SEPTIN9: variants seen among roughly 807,000 people sequenced by gnomAD.
SEPTIN9 encodes septin 9.
A neutral mutation model predicts 56.6 loss-of-function variants in SEPTIN9; 13 were observed. The ratio of observed to expected loss-of-function variants is 0.23; its 90% CI spans 0.15 to 0.37. SEPTIN9 has a LOEUF of 0.37. Among genes scored for constraint, SEPTIN9 ranks in the 10% least tolerant of loss-of-function variants. SEPTIN9 has a pLI of 1.00. For synonymous variants in SEPTIN9, 332 were observed against 334.1 expected, an observed-to-expected ratio of 0.99 and a Z score of 0.07; for missense variants, 650 against 823.1, an observed-to-expected ratio of 0.79 and a Z score of 2.57.
At chr17:77,320,304 C>T (rs758050715) in intron 2 of SEPTIN9, 33 of 1,612,644 alleles carry the variant, frequency 2.0e-5, no homozygotes, top group South Asian at 3.3e-5. Context: ...GGACTCCCGC[C>T]GCTGCTAAAT....
chr17:77,302,075 A>T (rs1271964880), intron 1 of SEPTIN9, among the ~76,000 whole-genome samples: 4 of 152,236 alleles, frequency 2.6e-5, no homozygotes, highest in Admixed American at 2.0e-4. Flanking sequence ...CATTAAAGTA[A>T]CAACAATGAT....
chr17:77,453,943 T>C lies in SEPTIN9; in HGVS notation c.722-28201T>C, dbSNP rs1007795856. 6.8e-6 allele frequency: 4 copies of C among 591,754 alleles called. No individual in the cohort carries two copies. The African/African-American group carries it at 8.1e-5, about 12-fold the overall frequency. The allele number at this position is 591,754 out of a possible 1,614,324, so 36.7% of individuals were successfully genotyped here. On this transcript the variant is annotated intron_variant, in intron 3 of 11. Transcript: ENST00000427177. The surrounding 1 kb of genome is among the most constrained non-coding windows in gnomAD (Gnocchi z 4.4). ...GGTGTCAAAGGTCTCAAGGCCCCTT[T>C]AAGAAGCCTGTCACCACCACCAGCA...
At chr17:77,489,616 G>A (rs1456537352) in intron 7 of SEPTIN9, among the ~76,000 whole-genome samples, 1 of 152,200 alleles carries the variant, frequency 6.6e-6, no homozygotes, top group Non-Finnish European at 1.5e-5. Context: ...CGCACCTGCT[G>A]TCCCAGATGT....
chr17:77,363,114 G>A (rs8080800), intron 2 of SEPTIN9, among the ~76,000 whole-genome samples: 114,748 of 151,998 alleles, frequency 0.75, 43,571 homozygotes, highest in South Asian at 0.84. Context: ...AGGTGACAGA[G>A]GCTGCCCAGG....
chr17:77,450,024 C>T lies in SEPTIN9; in HGVS notation c.722-32120C>T, dbSNP rs745316424. Among the ~76,000 whole-genome samples, 5 of 152,042 alleles carry T rather than the reference C, an allele frequency of 3.3e-5. No individual in the cohort carries two copies. The highest frequency in any genetic ancestry group is 6.5e-5 in the Admixed American group (1 of 15,286). Reference sequence around the variant, plus strand: ...CCCATTCAGATGGGAACAGGGACTCCGGGCATGCAGTCTTCTCCCAGACAC... The same window carrying T: ...CCCATTCAGATGGGAACAGGGACTCTGGGCATGCAGTCTTCTCCCAGACAC... On this transcript the variant is annotated intron_variant, in intron 3 of 11. Transcript: ENST00000427177. This position sits in a 1 kb window ranked among gnomAD's most constrained non-coding sequence, Gnocchi z 6.0.
chr17:77,346,919 A>T (rs1213749388), intron 2 of SEPTIN9, among the ~76,000 whole-genome samples: 1 of 152,204 alleles, frequency 6.6e-6, no homozygotes, highest in Non-Finnish European at 1.5e-5. Context: ...ACACAGCAGG[A>T]AAAGGACATC....
intron 2 of SEPTIN9, among the ~76,000 whole-genome samples, chr17:77,343,007 A>ATCTATCTG (rs1568003896): frequency 1.0e-4 from 6 of 59,932 alleles, no homozygotes; most frequent in Non-Finnish European, 3.6e-5. Flanking sequence ...CTGTCTGTCT[A>ATCTATCTG]TCTATCTATC....
chr17:77,428,539 C>A (rs997984828), intron 3 of SEPTIN9, among the ~76,000 whole-genome samples: 2 of 152,244 alleles, frequency 1.3e-5, no homozygotes, highest in African/African-American at 2.4e-5. Context: ...CTGGTCGTGT[C>A]ACAGGCTCGG....
chr17:77,406,032 G>A (rs933860714), intron 3 of SEPTIN9, among the ~76,000 whole-genome samples: 1 of 152,248 alleles, frequency 6.6e-6, no homozygotes, highest in Non-Finnish European at 1.5e-5. Context: ...GCCTGCGGGA[G>A]GGCATCTGTG....
chr17:77,423,282 C>T (rs1017932999), intron 3 of SEPTIN9, among the ~76,000 whole-genome samples: 4 of 152,096 alleles, frequency 2.6e-5, no homozygotes, highest in African/African-American at 7.2e-5. Flanking sequence ...GCGATCCGCC[C>T]GCCTCAGCCT....
At position 77,492,536 on chromosome 17, in the gene SEPTIN9, CAG is replaced by C; in HGVS notation, c.1381-84_1381-83del. The C allele has an allele frequency of 8.2e-7, 1 of 1,219,618 alleles. No homozygotes were observed. Among genetic ancestry groups the C allele is most frequent in the Non-Finnish European group, 1.2e-6 (1 of 820,816 alleles). 75.5% of individuals were successfully genotyped at this position (1,219,618 alleles called of 1,614,324 possible). A position where few individuals can be genotyped will look rare whatever the true frequency, so the allele number is the denominator to read the frequency against. ...TTGAACCCGAGCCTGGGGCAGCACA[CAG>C]TGTGGAGGTCATGTGGCAAACACCA... On this transcript the variant is annotated intron_variant, in intron 8 of 11. Coordinates refer to ENST00000427177, the MANE Select transcript of SEPTIN9 (RefSeq NM_001113491.2). This position sits in a 1 kb window ranked among gnomAD's most constrained non-coding sequence, Gnocchi z 5.4.
At chr17:77,442,278 A>G (rs1400338002) in intron 3 of SEPTIN9, 1 of 151,316 alleles carries the variant, frequency 6.6e-6, no homozygotes, top group Non-Finnish European at 1.5e-5. Context: ...GCTCACTCTA[A>G]CCTCCGCCTC....
intron 10 of SEPTIN9, among the ~76,000 whole-genome samples, chr17:77,495,744 C>T (rs2040230369): frequency 6.6e-6 from 1 of 152,192 alleles, no homozygotes; most frequent in African/African-American, 2.4e-5. Flanking sequence ...GTGGACACCG[C>T]CCTACACAGG....
rs946190704 is a variant in SEPTIN9 at position 77,434,690 on chromosome 17, T to G, written c.721+31987T>G. Among the ~76,000 whole-genome samples the G allele has an allele frequency of 6.6e-6, 1 of 152,198 alleles. No individual in the cohort carries two copies. The highest frequency in any genetic ancestry group is 1.5e-5 in the Non-Finnish European group (1 of 68,024). On this transcript the variant is annotated intron_variant, in intron 3 of 11. Transcript: ENST00000427177. The surrounding 1 kb of genome is among the most constrained non-coding windows in gnomAD (Gnocchi z 5.0). Reference sequence around the variant, plus strand: ...CGCCCCAGACGTGAGGGTTGGCATCTTCTCTTGCACGTGAAGCAAAGGCCT... The same window carrying G: ...CGCCCCAGACGTGAGGGTTGGCATCGTCTCTTGCACGTGAAGCAAAGGCCT...
Position 77,453,661 on chromosome 17 carries a change from GTCCACTGTGC to G in SEPTIN9, c.722-28477_722-28468del, listed in dbSNP as rs1252484346. 6.6e-6 allele frequency among the ~76,000 whole-genome samples: 1 copy of G among 151,462 alleles called. No individual in the cohort carries two copies. The highest frequency in any genetic ancestry group is 1.5e-5 in the Non-Finnish European group (1 of 67,950). Reference sequence around the variant, plus strand: ...CTGGGATCTGTCCTCCGAACACTGGGTCCACTGTGCTCCACAAGGACTTTCACCCCGGAAG... The same window carrying G: ...CTGGGATCTGTCCTCCGAACACTGGGTCCACAAGGACTTTCACCCCGGAAG... On this transcript the variant is annotated intron_variant, in intron 3 of 11. Coordinates refer to ENST00000427177, the MANE Select transcript of SEPTIN9 (RefSeq NM_001113491.2). This position sits in a 1 kb window ranked among gnomAD's most constrained non-coding sequence, Gnocchi z 4.4.
intron 2 of SEPTIN9, among the ~76,000 whole-genome samples, chr17:77,340,662 G>A (rs763869389): frequency 3.9e-5 from 6 of 152,166 alleles, no homozygotes; most frequent in Non-Finnish European, 7.3e-5. Context: ...TTAAAGACAG[G>A]CATTGACTTC....
chr17:77,369,964 G>A lies in SEPTIN9; in HGVS notation c.77-32095G>A, dbSNP rs1353702413. Among the ~76,000 whole-genome samples, 1 of 152,202 alleles carries A rather than the reference G, an allele frequency of 6.6e-6. No individual in the cohort carries two copies. The highest frequency in any genetic ancestry group is 2.4e-5 in the African/African-American group (1 of 41,444). ...CCTGCTCCTTCCCATTTCCAGAAAG[G>A]CGTGCAGGGGTTTCCTATGGCTCTC... is the stretch of plus-strand genomic sequence containing the variant. On this transcript the variant is annotated intron_variant, in intron 2 of 11. Coordinates refer to ENST00000427177, the MANE Select transcript of SEPTIN9 (RefSeq NM_001113491.2). This position sits in a 1 kb window ranked among gnomAD's most constrained non-coding sequence, Gnocchi z 4.9.
intron 3 of SEPTIN9, among the ~76,000 whole-genome samples, chr17:77,478,558 G>A (rs1304503202): frequency 6.6e-6 from 1 of 152,202 alleles, no homozygotes; most frequent in Non-Finnish European, 1.5e-5. Context: ...TGTAATCTCA[G>A]CACTTTGGGA....
chr17:77,320,909 CCATT>C (rs2032896255), intron 2 of SEPTIN9, among the ~76,000 whole-genome samples: 1 of 152,222 alleles, frequency 6.6e-6, no homozygotes, highest in Non-Finnish European at 1.5e-5. Flanking sequence ...GTGCGTGTGT[CCATT>C]CACGCTGGCA....
Sources: gnomAD v4.1 joint callset for allele counts (sites outside exome capture counted in the v4.1 genomes callset) on GRCh38, gnomAD v4.1.1 for gene constraint, Gnocchi (gnomAD v3.1) non-coding constraint, MANE v1.5 for transcripts, NCBI Gene and HGNC (gene_info 2026-07-23, HGNC 2026-07-21) for gene names.